IPCEF1: variants seen among roughly 807,000 people sequenced by gnomAD.
IPCEF1 encodes the protein interactor protein for cytohesin exchange factors 1.
A neutral mutation model predicts 50.9 loss-of-function variants in IPCEF1; 31 were observed. The observed-to-expected ratio is 0.61, with a 90% CI of 0.46 to 0.82. The LOEUF (loss-of-function observed/expected upper bound fraction) is 0.82. IPCEF1 is among the 40% of genes least tolerant of loss of function. The probability of loss-of-function intolerance (pLI) is 0.00; values close to 1 mark genes in which losing one functional copy is unlikely to be tolerated. For missense variants in IPCEF1, 458 were observed against 514.0 expected (o/e 0.89, Z 1.05); for synonymous variants, 181 against 192.0 (o/e 0.94, Z 0.47).
At position 154,276,264 on chromosome 6, in the gene IPCEF1, A is replaced by G. The variant is rs374083131; in HGVS notation, c.-17-10300T>C. Among the ~76,000 whole-genome samples, 295 of 89,892 alleles carry G rather than the reference A, an allele frequency of 3.3e-3. 1 individual carries two copies. The highest frequency in any genetic ancestry group is 0.012 in the African/African-American group (283 of 22,926). The allele number at this position is 89,892 out of a possible 152,430, so 59.0% of individuals were successfully genotyped here. ...GAGAAAAGGTGGGAGGGAGGGAGGAAGAAAGAGAAAAAAGAAAAGAAAAAA... is the reference window on the plus strand; with the variant it reads ...GAGAAAAGGTGGGAGGGAGGGAGGAGGAAAGAGAAAAAAGAAAAGAAAAAA... On this transcript the variant is annotated intron_variant, in intron 2 of 11. Coordinates refer to ENST00000367220, the MANE Select transcript of IPCEF1 (RefSeq NM_001130700.2).
intron 1 of IPCEF1, among the ~76,000 whole-genome samples, chr6:154,338,081 C>T (rs576535098): frequency 1.3e-5 from 2 of 152,328 alleles, no homozygotes; most frequent in Admixed American, 6.5e-5. Flanking sequence ...TATTGCTTGA[C>T]TTTCATCAAT....
chr6:154,290,891 G>A (rs1375709889), intron 1 of IPCEF1, among the ~76,000 whole-genome samples: 1 of 94,696 alleles, frequency 1.1e-5, no homozygotes, highest in Non-Finnish European at 2.2e-5. Flanking sequence ...GGAATATATT[G>A]CCTTTTTTTT....
At chr6:154,279,545 T>C (rs990847397) in intron 2 of IPCEF1, among the ~76,000 whole-genome samples, 14 of 152,244 alleles carry the variant, frequency 9.2e-5, no homozygotes, top group Non-Finnish European at 2.1e-4. Flanking sequence ...TTTTCTATTA[T>C]GGTTTCAAAT....
At chr6:154,199,218 G>A (rs1280253372) in intron 10 of IPCEF1, among the ~76,000 whole-genome samples, 5 of 152,194 alleles carry the variant, frequency 3.3e-5, no homozygotes, top group Non-Finnish European at 5.9e-5. Context: ...TTCAGGAGCC[G>A]ACAGGCTAAG....
chr6:154,212,633 T>G (rs1262228542), intron 9 of IPCEF1, 137 bp downstream of exon 9: 1 of 619,970 alleles, frequency 1.6e-6, no homozygotes, highest in South Asian at 2.1e-5. Flanking sequence ...CCCTGAAAAT[T>G]GCACTTGCTC....
intron 5 of IPCEF1, among the ~76,000 whole-genome samples, chr6:154,243,555 A>G (rs1490466743): frequency 6.6e-6 from 1 of 152,250 alleles, no homozygotes; most frequent in Non-Finnish European, 1.5e-5. Flanking sequence ...TCAGGCAATG[A>G]CGGAGAGAGA....
chr6:154,241,382 G>C (rs1043161341), intron 5 of IPCEF1, among the ~76,000 whole-genome samples: 5 of 150,438 alleles, frequency 3.3e-5, no homozygotes, highest in African/African-American at 1.2e-4. Flanking sequence ...AAAAACACAA[G>C]TATCTAATAA....
intron 7 of IPCEF1, chr6:154,219,311 C>T (rs1312788885): frequency 6.6e-6 from 1 of 152,298 alleles, no homozygotes; most frequent in Non-Finnish European, 1.5e-5. Flanking sequence ...TCTCACTCAC[C>T]TCTTGCTGGA....
chr6:154,203,521 G>A (rs79882833), intron 9 of IPCEF1, among the ~76,000 whole-genome samples: 1,973 of 152,222 alleles, frequency 0.013, 41 homozygotes, highest in African/African-American at 0.045. Context: ...TGAAGACAGC[G>A]TTTGTGGGAT....
chr6:154,259,468 C>T (rs1381246075), intron 3 of IPCEF1, among the ~76,000 whole-genome samples: 1 of 151,974 alleles, frequency 6.6e-6, no homozygotes, highest in African/African-American at 2.4e-5. Flanking sequence ...GCCTGACCAA[C>T]ATGGAGAAGC....
chr6:154,176,751 A>G (rs1800369437), intron 10 of IPCEF1, among the ~76,000 whole-genome samples: 1 of 152,136 alleles, frequency 6.6e-6, no homozygotes, highest in South Asian at 2.1e-4. Flanking sequence ...TGCCCAAGGT[A>G]ATTCAATGCT....
chr6:154,219,870 T>C (rs1484215166), intron 7 of IPCEF1, among the ~76,000 whole-genome samples: 1 of 152,182 alleles, frequency 6.6e-6, no homozygotes, highest in African/African-American at 2.4e-5. Flanking sequence ...GCTTCCCGAC[T>C]TTCTACAGTA....
At chr6:154,329,625 GAGAAAGAAAA>G (rs1783609510) in intron 1 of IPCEF1, among the ~76,000 whole-genome samples, 1 of 147,318 alleles carries the variant, frequency 6.8e-6, no homozygotes, top group Non-Finnish European at 1.5e-5. Flanking sequence ...AAGAGAGAGA[GAGAAAGAAAA>G]AGAAAGAAAG....
intron 1 of IPCEF1, among the ~76,000 whole-genome samples, chr6:154,309,848 C>T (rs556976769): frequency 7.2e-5 from 11 of 151,742 alleles, no homozygotes; most frequent in Non-Finnish European, 1.6e-4. Flanking sequence ...ACTGCAACCT[C>T]CGCCTCCCCG....
chr6:154,213,298 C>A (rs1778116781), intron 8 of IPCEF1: 1 of 166,940 alleles, frequency 6.0e-6, no homozygotes. Flanking sequence ...GTGGAGACCC[C>A]TACAAGATAT....
At chr6:154,209,600 C>T (rs1301684458) in intron 9 of IPCEF1, among the ~76,000 whole-genome samples, 4 of 149,072 alleles carry the variant, frequency 2.7e-5, no homozygotes, top group Admixed American at 6.7e-5. Flanking sequence ...GTTGTGATCA[C>T]GCCACTGCAC....
intron 1 of IPCEF1, among the ~76,000 whole-genome samples, chr6:154,329,055 C>G (rs1194605864): frequency 2.0e-5 from 3 of 152,032 alleles, no homozygotes; most frequent in Non-Finnish European, 4.4e-5. Flanking sequence ...TAATCGCAGT[C>G]AAAAAGGTGT....
chr6:154,209,496 A>T (rs1376234660), intron 9 of IPCEF1, among the ~76,000 whole-genome samples: 1 of 152,046 alleles, frequency 6.6e-6, no homozygotes, highest in Non-Finnish European at 1.5e-5. Context: ...ACAAAAAAAA[A>T]ATTCACCAGG....
intron 11 of IPCEF1, among the ~76,000 whole-genome samples, chr6:154,161,514 A>T (rs1261947469): frequency 2.0e-5 from 3 of 152,042 alleles, no homozygotes; most frequent in African/African-American, 7.2e-5. Context: ...CACCTGGCCT[A>T]CCCAATTTTT....
Sources: allele counts gnomAD v4.1 joint callset (sites outside exome capture counted in the v4.1 genomes callset), GRCh38; gene constraint gnomAD v4.1.1; transcripts MANE v1.5; gene names NCBI Gene and HGNC (gene_info 2026-07-23, HGNC 2026-07-21).